The following STEAP2 variants were observed in gnomAD, a reference collection of about 807,000 sequenced individuals.
The protein encoded by STEAP2 is STEAP2 metalloreductase.
In STEAP2, 30 loss-of-function variants were observed where a neutral mutation model predicts 46.4. The observed-to-expected ratio is 0.65, with a 90% CI of 0.48 to 0.88. STEAP2 has a LOEUF of 0.88. STEAP2 is among the 40% of genes least tolerant of loss of function. STEAP2 has a pLI of 0.00. For synonymous variants in STEAP2, 180 were observed against 200.5 expected, an observed-to-expected ratio of 0.90 and a Z score of 0.86; for missense variants, 513 against 579.3, an observed-to-expected ratio of 0.89 and a Z score of 1.18.
Position 90,226,233 on chromosome 7 carries a change from GA to G in STEAP2, c.492+666del, listed in dbSNP as rs1258471634. Among the ~76,000 whole-genome samples, 8 of 152,064 alleles carry G rather than the reference GA, an allele frequency of 5.3e-5. No homozygotes were observed. The South Asian group carries it at 8.3e-4, about 16-fold the overall frequency. On this transcript the variant is annotated intron_variant, in intron 3 of 5. Coordinates refer to ENST00000394621, the MANE Select transcript of STEAP2 (RefSeq NM_001244944.2). ...TTATGCCAATTTTAAATTTTTAACA[GA>G]AAAAAATGTGGAACAGTGATTAAAT...
At chr7:90,228,554 A>G (rs1486163971) in intron 4 of STEAP2, among the ~76,000 whole-genome samples, 6 of 152,046 alleles carry the variant, frequency 3.9e-5, no homozygotes, top group Non-Finnish European at 8.8e-5. Flanking sequence ...TGCCCCAACC[A>G]GTATTCCCAA....
chr7:90,232,152 A>C (rs1795780324), intron 5 of STEAP2, among the ~76,000 whole-genome samples, 185 bp from the exon 6 acceptor site: 1 of 151,840 alleles, frequency 6.6e-6, no homozygotes, highest in Non-Finnish European at 1.5e-5. Flanking sequence ...TAAATAATAC[A>C]TATATATGCA....
rs897724893 is a variant in STEAP2 at position 90,233,869 on chromosome 7, C to T, written c.*1245C>T. ...TTCTTTAGAGTGGGTTGGGTGCATCCAAAAATGTATAAAAATATTATTATA... is the reference window on the plus strand; with the variant it reads ...TTCTTTAGAGTGGGTTGGGTGCATCTAAAAATGTATAAAAATATTATTATA... On this transcript the variant is annotated 3_prime_UTR_variant, in exon 6 of 6. Transcript: ENST00000394621. The T allele has an allele frequency of 6.2e-5, 61 of 984,494 alleles. No homozygotes were observed. The highest frequency in any genetic ancestry group is 2.4e-4 in the South Asian group (5 of 21,268). 61.0% of individuals were successfully genotyped at this position (984,494 alleles called of 1,614,324 possible).
In STEAP2 at chr7:90,236,527, C is replaced by A; in HGVS notation, c.*3903C>A. ...ATGTACATTCAGGACAAATGATTAGCCCTAAATGAAACTGTAATAATTTCA... is the reference window on the plus strand; with the variant it reads ...ATGTACATTCAGGACAAATGATTAGACCTAAATGAAACTGTAATAATTTCA... On this transcript the variant is annotated 3_prime_UTR_variant, in exon 6 of 6. Coordinates refer to ENST00000394621, the MANE Select transcript of STEAP2 (RefSeq NM_001244944.2). 2 of 1,031,432 alleles carry A rather than the reference C, an allele frequency of 1.9e-6. No homozygotes were observed. The highest frequency in any genetic ancestry group is 2.3e-6 in the Non-Finnish European group (2 of 858,556). The allele number at this position is 1,031,432 out of a possible 1,614,324, so 63.9% of individuals were successfully genotyped here.
intron 2 of STEAP2, among the ~76,000 whole-genome samples, chr7:90,220,587 A>G (rs1157733131): frequency 2.0e-5 from 3 of 152,038 alleles, no homozygotes. Flanking sequence ...TTTTTGTTTC[A>G]TCCATCCTTT....
intron 3 of STEAP2, among the ~76,000 whole-genome samples, chr7:90,225,863 A>T (rs1417697854): frequency 1.3e-5 from 2 of 152,188 alleles, no homozygotes; most frequent in Non-Finnish European, 2.9e-5. Flanking sequence ...TTATAAGTAA[A>T]CACATAAAAT....
intron 4 of STEAP2, among the ~76,000 whole-genome samples, chr7:90,227,756 T>A (rs1795564192): frequency 6.6e-6 from 1 of 152,148 alleles, no homozygotes; most frequent in Admixed American, 6.5e-5. Flanking sequence ...TCTCCCCCTT[T>A]TTCAATGTTA....
At chr7:90,227,734 A>G (rs1795562780) in intron 4 of STEAP2, among the ~76,000 whole-genome samples, 1 of 152,182 alleles carries the variant, frequency 6.6e-6, no homozygotes, top group East Asian at 1.9e-4. Flanking sequence ...GCAGAAAAAT[A>G]GAGGGTTGGG....
intron 1 of STEAP2, among the ~76,000 whole-genome samples, chr7:90,214,246 G>T (rs194507): frequency 0.51 from 77,823 of 151,796 alleles, 20,316 homozygotes; most frequent in Non-Finnish European, 0.55. Flanking sequence ...AAAAGTGAGG[G>T]TCAGCAAGGA....
rs1464592100 is a variant in STEAP2, at chr7:90,232,794, G to T, written c.*170G>T. ...TTTCTTCAAGTTAATTTTCACAAAT[G>T]TCATGTTTGCCAATATGAATTTTTC... On this transcript the variant is annotated 3_prime_UTR_variant, in exon 6 of 6. Transcript: ENST00000394621. 5.3e-6 allele frequency: 7 copies of T among 1,312,326 alleles called. No individual in the cohort carries two copies. The highest frequency in any genetic ancestry group is 6.8e-6 in the Non-Finnish European group (7 of 1,031,352). 81.3% of individuals were successfully genotyped at this position (1,312,326 alleles called of 1,614,324 possible). A position where few individuals can be genotyped will look rare whatever the true frequency, so the allele number is the denominator to read the frequency against.
intron 4 of STEAP2, among the ~76,000 whole-genome samples, chr7:90,228,431 C>G (rs929447628): frequency 4.0e-5 from 6 of 151,258 alleles, no homozygotes; most frequent in African/African-American, 1.2e-4. Flanking sequence ...TAATGGGATA[C>G]TAAGGCTTTT....
intron 5 of STEAP2, 55 bp downstream of exon 5, chr7:90,230,091 G>A (rs1584246834): frequency 1.3e-6 from 2 of 1,575,370 alleles, no homozygotes; most frequent in Non-Finnish European, 1.7e-6. Flanking sequence ...TCCTTGTTAA[G>A]AACAACTGCA....
chr7:90,229,511 C>T (rs1309538505), intron 4 of STEAP2, among the ~76,000 whole-genome samples: 1 of 152,154 alleles, frequency 6.6e-6, no homozygotes, highest in Admixed American at 6.6e-5. Flanking sequence ...AATAGTACTT[C>T]AAAACTAAGT....
Position 90,236,263 on chromosome 7 carries a change from A to G in STEAP2, c.*3639A>G. On this transcript the variant is annotated 3_prime_UTR_variant, in exon 6 of 6. Coordinates refer to ENST00000394621, the MANE Select transcript of STEAP2 (RefSeq NM_001244944.2). ...ATTTTAAATAAAGTATCATAAATGT[A>G]ATAAGTAAATATTTATTTAGGAATA... 6.6e-6 allele frequency: 6 copies of G among 906,042 alleles called. No homozygotes were observed. Among genetic ancestry groups the G allele is most frequent in the Non-Finnish European group, 7.9e-6 (6 of 757,936 alleles). The allele number at this position is 906,042 out of a possible 1,614,324, so 56.1% of individuals were successfully genotyped here.
At chr7:90,229,528 G>A (rs1045387096) in intron 4 of STEAP2, among the ~76,000 whole-genome samples, 3 of 152,132 alleles carry the variant, frequency 2.0e-5, no homozygotes, top group Non-Finnish European at 4.4e-5. Context: ...AAGTTTAACT[G>A]TCAGTAACTT....
intron 2 of STEAP2, 113 bp downstream of exon 2, chr7:90,216,716 A>G (rs893515595): frequency 6.6e-6 from 1 of 152,228 alleles, no homozygotes; most frequent in East Asian, 1.9e-4. Context: ...TGATGAAAGT[A>G]TTAGATTGAA....
At position 90,233,890 on chromosome 7, in the gene STEAP2, T is replaced by C. The variant is rs1795859150; in HGVS notation, c.*1266T>C. On this transcript the variant is annotated 3_prime_UTR_variant, in exon 6 of 6. Transcript: ENST00000394621. ...CATCCAAAAATGTATAAAAATATTA[T>C]TATAATAAACTTATTACTGCTTGTA... The C allele has an allele frequency of 1.0e-6, 1 of 984,246 alleles. No individual in the cohort carries two copies. The highest frequency in any genetic ancestry group is 6.1e-5 in the Admixed American group (1 of 16,272). 61.0% of individuals were successfully genotyped at this position (984,246 alleles called of 1,614,324 possible).
At chr7:90,238,059 C>CA (rs1259405025), downstream of STEAP2, 1 of 717,322 alleles carries the variant, frequency 1.4e-6, no homozygotes, top group Non-Finnish European at 2.6e-6. Context: ...GCCATGCCTA[C>CA]ATCCTCTTGC....
At chr7:90,218,661 T>C (rs755148580) in intron 2 of STEAP2, among the ~76,000 whole-genome samples, 1 of 152,156 alleles carries the variant, frequency 6.6e-6, no homozygotes, top group Non-Finnish European at 1.5e-5. Flanking sequence ...TACCATGTTT[T>C]TTCGGTTACT....
Sources: gnomAD v4.1 joint callset for allele counts (sites outside exome capture counted in the v4.1 genomes callset) on GRCh38, gnomAD v4.1.1 for gene constraint, MANE v1.5 for transcripts, NCBI Gene and HGNC (gene_info 2026-07-23, HGNC 2026-07-21) for gene names.